Variants in PNMA6E observed in about 807,000 individuals in gnomAD.
PNMA6E encodes the protein paraneoplastic antigen Ma6E.
For missense variants in PNMA6E, 78 were observed against 50.8 expected (o/e 1.53, Z -1.63); for synonymous variants, 43 against 17.1 (o/e 2.52, Z -3.74).
intron 1 of PNMA6E, 51 bp from the exon 2 acceptor site, chrX:153,398,971 A>G (rs1353127484): frequency 3.8e-5 from 11 of 292,181 alleles, no homozygotes; most frequent in Non-Finnish European, 5.9e-5. Context: ...CACTCCCACC[A>G]CTCATCTGCC....
the PNMA6E span, among the ~76,000 whole-genome samples, chrX:153,413,414 G>A: frequency 1.9e-5 from 2 of 107,291 alleles, no homozygotes; most frequent in Non-Finnish European, 3.8e-5. Context: ...TGCATACTCA[G>A]TTCCACCCAT....
the PNMA6E span, among the ~76,000 whole-genome samples, chrX:153,408,632 A>G: frequency 9.0e-6 from 1 of 111,142 alleles, no homozygotes; most frequent in African/African-American, 3.3e-5. Context: ...CCCCTCCCCC[A>G]CTCACTGGCT....
At chrX:153,408,038 C>T in the PNMA6E span, among the ~76,000 whole-genome samples, 23 of 112,730 alleles carry the variant, frequency 2.0e-4, no homozygotes, top group African/African-American at 7.1e-4. Flanking sequence ...AGTGAAGCCA[C>T]TGGAGGGGGC....
At chrX:153,412,307 G>A in the PNMA6E span, among the ~76,000 whole-genome samples, 1 of 112,341 alleles carries the variant, frequency 8.9e-6, no homozygotes, top group Admixed American at 9.3e-5. Flanking sequence ...GAGCTGGGCA[G>A]AAAGCGGCAC....
upstream of PNMA6E, among the ~76,000 whole-genome samples, chrX:153,402,493 ATGCTATAGT>A (rs1556971567): frequency 9.0e-6 from 1 of 111,410 alleles, no homozygotes; most frequent in Admixed American, 9.6e-5. Flanking sequence ...CCCGTCCTTT[ATGCTATAGT>A]TGTCATATAT....
At position 153,396,396 on chromosome X, in the gene PNMA6E, G is replaced by C. The variant is rs1406516679; in HGVS notation, c.*510C>G. ...TGACTTTTCGCAGAAATGATGGCTAGCAGTGGGTGGGCGTCTGCTGGGCGC... is the reference window on the plus strand; with the variant it reads ...TGACTTTTCGCAGAAATGATGGCTACCAGTGGGTGGGCGTCTGCTGGGCGC... On this transcript the variant is annotated 3_prime_UTR_variant, in exon 2 of 2. Transcript: ENST00000445091. The C allele has an allele frequency of 8.6e-6, 1 of 115,759 alleles. No individual in the cohort carries two copies. The highest frequency in any genetic ancestry group is 1.9e-5 in the Non-Finnish European group (1 of 53,705). The allele number at this position is 115,759 out of a possible 1,213,427, so 9.5% of individuals were successfully genotyped here.
the PNMA6E span, among the ~76,000 whole-genome samples, chrX:153,406,827 T>A: frequency 2.7e-5 from 3 of 112,172 alleles, no homozygotes; most frequent in South Asian, 1.1e-3. Flanking sequence ...CTGTGAGAGA[T>A]AACTAGCCTA....
upstream of PNMA6E, among the ~76,000 whole-genome samples, chrX:153,404,331 T>C (rs1427335524): frequency 1.8e-5 from 2 of 111,393 alleles, no homozygotes; most frequent in Non-Finnish European, 3.8e-5. Context: ...ATCTCAGAGG[T>C]TGGATTCTCT....
At chrX:153,401,041 G>A (rs2088847324) in intron 1 of PNMA6E, among the ~76,000 whole-genome samples, 1 of 109,382 alleles carries the variant, frequency 9.1e-6, no homozygotes, top group African/African-American at 3.3e-5. Context: ...GGCCTTCCTT[G>A]GCGGGAAGCC....
At chrX:153,400,614 C>A (rs1435447139) in intron 1 of PNMA6E, among the ~76,000 whole-genome samples, 2 of 107,157 alleles carry the variant, frequency 1.9e-5, no homozygotes, top group African/African-American at 3.4e-5. Flanking sequence ...GGCAGGGCAC[C>A]CTCCGCTCTG....
Position 153,397,555 on chromosome X carries a change from A to T in PNMA6E, c.1295T>A (p.Leu432Gln). 1 of 298,913 alleles carries T rather than the reference A, an allele frequency of 3.3e-6. No homozygotes were observed. The highest frequency in any genetic ancestry group is 5.8e-6 in the Non-Finnish European group (1 of 170,954). The allele number at this position is 298,913 out of a possible 1,213,427, so 24.6% of individuals were successfully genotyped here. ...CCCCTTCTCCACAGCCCTCTGCAGCAGGCCTTCCAGGCGCACCACGAAGGC... is the reference window on the plus strand; with the variant it reads ...CCCCTTCTCCACAGCCCTCTGCAGCTGGCCTTCCAGGCGCACCACGAAGGC... ...LFAFVVRLEG[L>Q]LQRAVEKGAV... The change falls in exon 2 of 2, where the codon CTG becomes CAG. Residue 432 changes from leucine to glutamine, a missense_variant. Transcript: ENST00000445091.
At position 153,396,343 on chromosome X, in the gene PNMA6E, G is replaced by T. The variant is rs1365775946; in HGVS notation, c.*563C>A. 8.4e-6 allele frequency: 1 copy of T among 119,411 alleles called. No homozygotes were observed. Among genetic ancestry groups the T allele is most frequent in the African/African-American group, 3.2e-5 (1 of 31,140 alleles). 9.8% of individuals were successfully genotyped at this position (119,411 alleles called of 1,213,427 possible). A position where few individuals can be genotyped will look rare whatever the true frequency, so the allele number is the denominator to read the frequency against. On this transcript the variant is annotated 3_prime_UTR_variant, in exon 2 of 2. Transcript: ENST00000445091. Reference sequence around the variant, plus strand: ...CACAGCACGTGCCCCGGGCCCAGAGGTGGCCGCCTGCATGGGCGCACAGTA... The same window carrying T: ...CACAGCACGTGCCCCGGGCCCAGAGTTGGCCGCCTGCATGGGCGCACAGTA...
chrX:153,410,018 G>A, the PNMA6E span, among the ~76,000 whole-genome samples: 1 of 111,877 alleles, frequency 8.9e-6, no homozygotes, highest in Admixed American at 9.4e-5. Flanking sequence ...ACCACAAACC[G>A]CTTGGCTTCA....
intron 1 of PNMA6E, among the ~76,000 whole-genome samples, chrX:153,399,309 TTGTG>T (rs200672716): frequency 0.096 from 9,967 of 103,843 alleles, 1,042 homozygotes; most frequent in African/African-American, 0.29. Context: ...CTCTTGTGTG[TTGTG>T]TGTGTGTGTG....
At chrX:153,406,509 G>A in the PNMA6E span, among the ~76,000 whole-genome samples, 1 of 112,699 alleles carries the variant, frequency 8.9e-6, no homozygotes, top group African/African-American at 3.2e-5. Flanking sequence ...GAGCTGGAAG[G>A]GACATGGAGA....
At chrX:153,411,767 G>T in the PNMA6E span, among the ~76,000 whole-genome samples, 46 of 112,741 alleles carry the variant, frequency 4.1e-4, 3 homozygotes, top group South Asian at 0.016. Flanking sequence ...TCTCGGCAGG[G>T]TGCAGGTGTC....
intron 1 of PNMA6E, among the ~76,000 whole-genome samples, chrX:153,400,061 C>T (rs964254942): frequency 1.8e-5 from 2 of 112,455 alleles, no homozygotes; most frequent in Non-Finnish European, 3.8e-5. Context: ...TGAAAACGTG[C>T]GATCCTTTTC....
intron 1 of PNMA6E, among the ~76,000 whole-genome samples, chrX:153,400,200 C>T (rs1556971017): frequency 8.9e-6 from 1 of 112,347 alleles, no homozygotes; most frequent in East Asian, 2.8e-4. Context: ...CAACTCCTGT[C>T]GCCATTCCCC....
At chrX:153,403,053 C>T (rs2088861746), upstream of PNMA6E, among the ~76,000 whole-genome samples, 1 of 112,392 alleles carries the variant, frequency 8.9e-6, no homozygotes, top group African/African-American at 3.2e-5. Flanking sequence ...CACTGAGCTC[C>T]TTGAATCTGT....
Sources: gnomAD v4.1 joint callset for allele counts (sites outside exome capture counted in the v4.1 genomes callset) on GRCh38, gnomAD v4.1.1 for gene constraint, MANE v1.5 for transcripts, NCBI Gene and HGNC (gene_info 2026-07-23, HGNC 2026-07-21) for gene names.